The following BRD1 variants were observed in gnomAD, a reference collection of about 807,000 sequenced individuals.
The protein encoded by BRD1 is bromodomain-containing protein 1.
Under a neutral mutation model 107.7 loss-of-function variants are expected in BRD1, and 24 were observed. That is an observed-to-expected ratio of 0.22 (90% CI 0.16 to 0.31). BRD1 has a LOEUF of 0.31. BRD1 is among the 10% of genes least tolerant of loss of function. BRD1 has a pLI of 1.00. For missense variants in BRD1, 1,279 were observed against 1,638.6 expected (o/e 0.78, Z 3.79); for synonymous variants, 744 against 686.1 (o/e 1.08, Z -1.32).
intron 2 of BRD1, among the ~76,000 whole-genome samples, chr22:49,815,206 TC>T (rs1182933662): frequency 6.6e-6 from 1 of 152,190 alleles, no homozygotes; most frequent in African/African-American, 2.4e-5. Context: ...CTCAGAGTTT[TC>T]CCCAGCACAA....
At chr22:49,786,959 T>C (rs1479223353) in intron 8 of BRD1, among the ~76,000 whole-genome samples, 1 of 151,646 alleles carries the variant, frequency 6.6e-6, no homozygotes, top group African/African-American at 2.4e-5. Context: ...CTGGGAGTGG[T>C]GGTGTGCACC....
intron 9 of BRD1, 138 bp from the exon 10 acceptor site, chr22:49,777,299 G>T: frequency 1.5e-6 from 2 of 1,367,048 alleles, no homozygotes; most frequent in South Asian, 2.6e-5. Context: ...GGGCCTGTGG[G>T]TGCGCAGGTC....
At chr22:49,805,808 T>G (rs2059733350) in intron 2 of BRD1, 1 of 151,480 alleles carries the variant, frequency 6.6e-6, no homozygotes, top group East Asian at 1.9e-4. Flanking sequence ...GTGACGCAAT[T>G]TCAGCTCACT....
intron 6 of BRD1, among the ~76,000 whole-genome samples, chr22:49,795,769 G>A (rs1038010328): frequency 2.0e-5 from 3 of 152,236 alleles, no homozygotes; most frequent in Admixed American, 6.5e-5. Flanking sequence ...TGTGGGAGGC[G>A]GGGGAAGCTT....
At position 49,774,260 on chromosome 22, in the gene BRD1, C is replaced by G. The variant is rs151282207; in HGVS notation, c.3543G>C (p.Pro1181=). The G allele has an allele frequency of 6.2e-7, 1 of 1,613,988 alleles. No homozygotes were observed. The highest frequency in any genetic ancestry group is 2.2e-5 in the East Asian group (1 of 44,878). The change falls in exon 13 of 13, where the codon CCG becomes CCC. Residue 1181 remains proline, a synonymous_variant. Transcript: ENST00000404760. ...MNHLSRVHGE[P]TSDLSDID ...AGTCAATGTCACTGAGGTCGCTGGTCGGCTCCCCGTGGACGCGGCTCAGGT... is the reference window on the plus strand; with the variant it reads ...AGTCAATGTCACTGAGGTCGCTGGTGGGCTCCCCGTGGACGCGGCTCAGGT...
intron 7 of BRD1, among the ~76,000 whole-genome samples, chr22:49,793,076 T>G (rs540749961): frequency 6.6e-6 from 1 of 152,344 alleles, no homozygotes; most frequent in African/African-American, 2.4e-5. Flanking sequence ...GCAAGAAGGC[T>G]GAGAACCAGC....
intron 2 of BRD1, among the ~76,000 whole-genome samples, chr22:49,815,835 T>C (rs2059940182): frequency 6.6e-6 from 1 of 152,154 alleles, no homozygotes; most frequent in African/African-American, 2.4e-5. Flanking sequence ...GCCCTGCAGC[T>C]CCTCCTTCCA....
intron 6 of BRD1, 95 bp downstream of exon 6, chr22:49,797,710 G>T: frequency 7.5e-7 from 1 of 1,332,216 alleles, no homozygotes; most frequent in Non-Finnish European, 1.0e-6. Context: ...AGTGGCTCCC[G>T]GACCATGCTG....
In BRD1 at chr22:49,787,527, G is replaced by A. The variant is rs2059353624; in HGVS notation, c.2720C>T (p.Pro907Leu). 1 of 1,611,722 alleles carries A rather than the reference G, an allele frequency of 6.2e-7. No homozygotes were observed. The highest frequency in any genetic ancestry group is 8.5e-7 in the Non-Finnish European group (1 of 1,178,938). ...AKNTETQPTS[P>L]QLGTKTFLSV... ...CAAAAAGGTTTTGGTCCCTAGCTGAGGAGAAGTTGGCTGGGTTTCAGTGTT... is the reference window on the plus strand; with the variant it reads ...CAAAAAGGTTTTGGTCCCTAGCTGAAGAGAAGTTGGCTGGGTTTCAGTGTT... The change falls in exon 8 of 13, where the codon CCT (proline) becomes CTT (leucine). Residue 907 changes from proline (P) to leucine (L), a missense_variant. Transcript: ENST00000404760.
chr22:49,780,680 G>T (rs1306676751), intron 8 of BRD1, among the ~76,000 whole-genome samples: 1 of 152,230 alleles, frequency 6.6e-6, no homozygotes, highest in Non-Finnish European at 1.5e-5. Context: ...TGGACCACCA[G>T]AAAATAATCT....
chr22:49,796,662 C>A (rs1371030222), intron 6 of BRD1, among the ~76,000 whole-genome samples: 1 of 152,214 alleles, frequency 6.6e-6, no homozygotes, highest in East Asian at 1.9e-4. Context: ...CTGGCCCTAT[C>A]CCCAGTCTTT....
intron 5 of BRD1, 27 bp downstream of exon 5, chr22:49,798,531 G>C: frequency 6.2e-7 from 1 of 1,614,102 alleles, no homozygotes; most frequent in Middle Eastern, 1.6e-4. Context: ...ACATGCGGCA[G>C]GACAGACGAG....
At chr22:49,789,444 C>A (rs1229534767) in intron 7 of BRD1, among the ~76,000 whole-genome samples, 1 of 152,146 alleles carries the variant, frequency 6.6e-6, no homozygotes, top group Non-Finnish European at 1.5e-5. Flanking sequence ...GGGCACAGGG[C>A]CTGGGGCCTC....
chr22:49,804,138 G>A (rs1424979219), intron 3 of BRD1, 66 bp downstream of exon 3: 3 of 1,422,930 alleles, frequency 2.1e-6, no homozygotes, highest in South Asian at 1.4e-5. Flanking sequence ...CCTGAACCAG[G>A]TGCCCTCTCC....
At chr22:49,814,503 C>A (rs1003023340) in intron 2 of BRD1, among the ~76,000 whole-genome samples, 1 of 152,254 alleles carries the variant, frequency 6.6e-6, no homozygotes, top group East Asian at 1.9e-4. Flanking sequence ...ACATGCCTGA[C>A]GTGCATGGGC....
At chr22:49,775,351 G>A in intron 12 of BRD1, 1 of 339,150 alleles carries the variant, frequency 2.9e-6, no homozygotes, top group Non-Finnish European at 5.3e-6. Context: ...CAGGCGAGAG[G>A]GAGAGGAAGC....
At position 49,801,582 on chromosome 22, in the gene BRD1, C is replaced by T. The variant is rs559863923; in HGVS notation, c.1525-2463G>A. Among the ~76,000 whole-genome samples the T allele has an allele frequency of 4.3e-3, 649 of 152,382 alleles. 4 individuals are homozygous for T. Among genetic ancestry groups the T allele is most frequent in the African/African-American group, 0.014 (590 of 41,596 alleles). ...CAGAGGCAGGTTTCCAGGCTCTCCA[C>T]GCCGACTGCTCTGCTGCGGCTCAAG... On this transcript the variant is annotated intron_variant, in intron 3 of 12. Coordinates refer to ENST00000404760, the MANE Select transcript of BRD1 (RefSeq NM_001304808.3).
Position 49,812,104 on chromosome 22 carries a change from C to CTT in BRD1, c.1368-7746_1368-7745dup, listed in dbSNP as rs374572699. On this transcript the variant is annotated intron_variant, in intron 2 of 12. Transcript: ENST00000404760. ...CTATGGCAAGGAGCACAGTCTGCTCCTTTTTTTTTTTTTTTTTTTGAGACA... is the reference window on the plus strand; with the variant it reads ...CTATGGCAAGGAGCACAGTCTGCTCCTTTTTTTTTTTTTTTTTTTTTGAGACA... Among the ~76,000 whole-genome samples, 481 of 123,486 alleles carry CTT rather than the reference C, an allele frequency of 3.9e-3. 4 individuals are homozygous for CTT. The highest frequency in any genetic ancestry group is 9.8e-3 in the South Asian group (38 of 3,858). 81.0% of individuals were successfully genotyped at this position (123,486 alleles called of 152,430 possible). A position where few individuals can be genotyped will look rare whatever the true frequency, so the allele number is the denominator to read the frequency against.
At position 49,804,184 on chromosome 22, in the gene BRD1, G is replaced by A; in HGVS notation, c.1524+20C>T. On this transcript the variant is annotated intron_variant, in intron 3 of 12. Transcript: ENST00000404760. ...GGGGTGAGAGACGCAGAAAGGCTGTGGGGGCCACGAGCCACGTACCTGCTG... is the reference window on the plus strand; with the variant it reads ...GGGGTGAGAGACGCAGAAAGGCTGTAGGGGCCACGAGCCACGTACCTGCTG... The A allele has an allele frequency of 6.4e-7, 1 of 1,554,074 alleles. No homozygotes were observed. Among genetic ancestry groups the A allele is most frequent in the African/African-American group, 1.4e-5 (1 of 73,896 alleles).
Sources: allele counts gnomAD v4.1 joint callset (sites outside exome capture counted in the v4.1 genomes callset), GRCh38; gene constraint gnomAD v4.1.1; transcripts MANE v1.5; gene names NCBI Gene and HGNC (gene_info 2026-07-23, HGNC 2026-07-21).